The following SLC24A2 variants were observed in gnomAD, a reference collection of about 807,000 sequenced individuals.
The protein encoded by SLC24A2 is solute carrier family 24 member 2.
SLC24A2 carries 36 observed loss-of-function variants against 62.0 expected under a neutral mutation model. The observed-to-expected ratio is 0.58, with a 90% CI of 0.44 to 0.77. The LOEUF is 0.77. Among genes scored for constraint, SLC24A2 ranks in the 30% least tolerant of loss-of-function variants. SLC24A2 has a pLI of 0.00. For missense variants in SLC24A2, 846 were observed against 817.9 expected (o/e 1.03, Z -0.42); for synonymous variants, 358 against 294.0 (o/e 1.22, Z -2.23).
chr9:20,217,912 C>T, the SLC24A2 span, among the ~76,000 whole-genome samples: 1 of 152,194 alleles, frequency 6.6e-6, no homozygotes, highest in South Asian at 2.1e-4. Flanking sequence ...ATCCTCCAAG[C>T]ATTTCATTAA....
chr9:19,626,452 T>C (rs1055641505), intron 2 of SLC24A2, among the ~76,000 whole-genome samples: 2 of 152,164 alleles, frequency 1.3e-5, no homozygotes, highest in African/African-American at 2.4e-5. Flanking sequence ...GCATCAGATA[T>C]AGAAGAACAA....
the SLC24A2 span, among the ~76,000 whole-genome samples, chr9:20,161,783 C>G: frequency 6.8e-5 from 10 of 147,750 alleles, no homozygotes; most frequent in African/African-American, 2.2e-4. Context: ...CACACACACA[C>G]ACAAACATCA....
At chr9:19,657,907 T>A (rs996331247) in intron 2 of SLC24A2, among the ~76,000 whole-genome samples, 6 of 152,102 alleles carry the variant, frequency 3.9e-5, no homozygotes, top group Admixed American at 2.0e-4. Flanking sequence ...AAAAAAAAAT[T>A]TCTGTAGAGA....
intron 7 of SLC24A2, among the ~76,000 whole-genome samples, chr9:19,571,237 G>C (rs1233651681): frequency 6.6e-6 from 1 of 152,154 alleles, no homozygotes; most frequent in Non-Finnish European, 1.5e-5. Flanking sequence ...AATGCAAAGG[G>C]ACCACAGGGC....
chr9:19,612,536 T>C (rs913075801), intron 4 of SLC24A2, among the ~76,000 whole-genome samples: 2 of 152,156 alleles, frequency 1.3e-5, no homozygotes, highest in African/African-American at 4.8e-5. Flanking sequence ...ATTACTCTCT[T>C]TCTACAAATG....
the SLC24A2 span, among the ~76,000 whole-genome samples, chr9:20,213,126 C>G: frequency 6.6e-6 from 1 of 151,726 alleles, no homozygotes; most frequent in African/African-American, 2.4e-5. Flanking sequence ...CACCATGGCA[C>G]ACATTTACCT....
the SLC24A2 span, among the ~76,000 whole-genome samples, chr9:19,873,826 T>C: frequency 1.3e-5 from 2 of 152,122 alleles, no homozygotes; most frequent in African/African-American, 2.4e-5. Flanking sequence ...CTGAACTCCA[T>C]GTACTTGCCG....
the SLC24A2 span, among the ~76,000 whole-genome samples, chr9:19,825,028 G>A: frequency 6.6e-6 from 1 of 152,072 alleles, no homozygotes; most frequent in Non-Finnish European, 1.5e-5. Flanking sequence ...AGGGGGTGGG[G>A]ACAAAGGGAA....
the SLC24A2 span, among the ~76,000 whole-genome samples, chr9:19,961,019 GGTGGGT>G: frequency 2.4e-4 from 19 of 80,410 alleles, no homozygotes; most frequent in East Asian, 3.6e-3. Context: ...GGATTAGAGG[GGTGGGT>G]GTGTGTGTGT....
intron 4 of SLC24A2, among the ~76,000 whole-genome samples, chr9:19,600,632 T>C (rs932909149): frequency 2.0e-5 from 3 of 152,202 alleles, no homozygotes; most frequent in Non-Finnish European, 4.4e-5. Context: ...AGTCCCCAGA[T>C]TCTGCAACTT....
the SLC24A2 span, among the ~76,000 whole-genome samples, chr9:19,875,185 T>C: frequency 2.0e-5 from 3 of 152,184 alleles, no homozygotes; most frequent in Non-Finnish European, 4.4e-5. Flanking sequence ...CAAGCTTTCC[T>C]TTTCTCTCTC....
At chr9:20,283,629 C>A in the SLC24A2 span, among the ~76,000 whole-genome samples, 2 of 151,500 alleles carry the variant, frequency 1.3e-5, no homozygotes, top group Admixed American at 1.3e-4. Flanking sequence ...GAGACTGAAG[C>A]AAGTTCCAGA....
intron 7 of SLC24A2, 94 bp downstream of exon 7, chr9:19,573,257 C>G (rs1835890219): frequency 2.3e-6 from 2 of 853,604 alleles, no homozygotes; most frequent in Non-Finnish European, 4.0e-6. Flanking sequence ...CAGCTGAGAG[C>G]TGGGGCTTCC....
chr9:19,908,511 T>A, the SLC24A2 span, among the ~76,000 whole-genome samples: 8 of 152,274 alleles, frequency 5.3e-5, no homozygotes, highest in African/African-American at 9.6e-5. Context: ...AAAGAGCTTC[T>A]GCACAGCAAA....
chr9:20,135,863 A>C, the SLC24A2 span, among the ~76,000 whole-genome samples: 2 of 152,290 alleles, frequency 1.3e-5, no homozygotes, highest in South Asian at 4.1e-4. Context: ...CACATTTTGA[A>C]ACATAATAAA....
the SLC24A2 span, among the ~76,000 whole-genome samples, chr9:20,107,222 A>C: frequency 6.6e-6 from 1 of 152,208 alleles, no homozygotes; most frequent in Non-Finnish European, 1.5e-5. Flanking sequence ...AGAACATTCC[A>C]TGCTCATGGG....
At chr9:20,119,786 A>G in the SLC24A2 span, among the ~76,000 whole-genome samples, 1 of 152,248 alleles carries the variant, frequency 6.6e-6, no homozygotes, top group African/African-American at 2.4e-5. Context: ...AGTAATAGTC[A>G]TAAAGATTAG....
intron 9 of SLC24A2, among the ~76,000 whole-genome samples, chr9:19,522,751 T>G (rs1329817272): frequency 6.6e-6 from 1 of 152,158 alleles, no homozygotes; most frequent in African/African-American, 2.4e-5. Context: ...TAATACTGAT[T>G]TGCTGAGTAA....
At chr9:20,038,168 G>A in the SLC24A2 span, among the ~76,000 whole-genome samples, 1 of 152,164 alleles carries the variant, frequency 6.6e-6, no homozygotes, top group Non-Finnish European at 1.5e-5. Flanking sequence ...ATTGACTCCA[G>A]AGTTAAGTTT....
Sources: gnomAD v4.1 joint callset for allele counts (sites outside exome capture counted in the v4.1 genomes callset) on GRCh38, gnomAD v4.1.1 for gene constraint, MANE v1.5 for transcripts, NCBI Gene and HGNC (gene_info 2026-07-23, HGNC 2026-07-21) for gene names.